PRUNE2: variants seen among roughly 807,000 people sequenced by gnomAD.
PRUNE2 encodes prune homolog 2 with BCH domain, also known as protein prune homolog 2.
A neutral mutation model predicts 252.0 loss-of-function variants in PRUNE2; 164 were observed. The observed-to-expected ratio is 0.65, with a 90% CI of 0.57 to 0.74. The LOEUF is 0.74. PRUNE2 is among the 30% of genes least tolerant of loss of function. The pLI, the probability that PRUNE2 is intolerant of heterozygous loss-of-function variation, is 0.00. For missense variants in PRUNE2, 3,495 were observed against 3,711.0 expected, an observed-to-expected ratio of 0.94 and a Z score of 1.51; for synonymous variants, 1,292 against 1,350.2, an observed-to-expected ratio of 0.96 and a Z score of 0.94.
intron 9 of PRUNE2, among the ~76,000 whole-genome samples, chr9:76,660,713 C>T (rs553848155): frequency 3.5e-5 from 5 of 142,424 alleles, no homozygotes; most frequent in South Asian, 2.2e-4. Context: ...ACCCGGGAGG[C>T]GGAAGTTGCA....
At chr9:76,652,973 G>A (rs533308775) in intron 10 of PRUNE2, among the ~76,000 whole-genome samples, 45 of 152,190 alleles carry the variant, frequency 3.0e-4, no homozygotes, top group Admixed American at 7.2e-4. Flanking sequence ...GCCAAGAGTG[G>A]GTTTGGGCCC....
At chr9:76,854,443 A>G (rs1006789527) in intron 1 of PRUNE2, among the ~76,000 whole-genome samples, 2 of 152,216 alleles carry the variant, frequency 1.3e-5, no homozygotes, top group East Asian at 1.9e-4. Context: ...GGTTTTATTA[A>G]GATTACACAT....
chr9:76,831,108 T>G (rs1368874668), intron 4 of PRUNE2, among the ~76,000 whole-genome samples: 3 of 151,940 alleles, frequency 2.0e-5, no homozygotes, highest in Non-Finnish European at 4.4e-5. Flanking sequence ...TTTTTGTATT[T>G]TTAGTAGAGA....
intron 1 of PRUNE2, among the ~76,000 whole-genome samples, chr9:76,856,045 A>C (rs1478359832): frequency 6.6e-6 from 1 of 152,218 alleles, no homozygotes; most frequent in Non-Finnish European, 1.5e-5. Context: ...ATTACTGCAG[A>C]ATGCTATTCT....
At position 76,820,622 on chromosome 9, in the gene PRUNE2, G is replaced by A. The variant is rs141702971; in HGVS notation, c.756+3010C>T. 4.3e-3 allele frequency among the ~76,000 whole-genome samples: 660 copies of A among 152,256 alleles called. 2 individuals are homozygous for A. Among genetic ancestry groups the A allele is most frequent in the Admixed American group, 0.015 (237 of 15,292 alleles). ...AAGGAATCTTCATTCCCATATCCCC[G>A]ACATGCTGCAGAACCTATAGTTGAT... On this transcript the variant is annotated intron_variant, in intron 6 of 18. Coordinates refer to ENST00000376718, the MANE Select transcript of PRUNE2 (RefSeq NM_015225.3).
intron 1 of PRUNE2, among the ~76,000 whole-genome samples, chr9:76,879,171 T>C (rs2061619255): frequency 6.6e-6 from 1 of 152,248 alleles, no homozygotes; most frequent in South Asian, 2.1e-4. Flanking sequence ...AGATGCTTCA[T>C]GTTAGTTCAC....
intron 12 of PRUNE2, chr9:76,642,001 T>TAAAAAAAAAAAAAAAAAAAAAAAAA: frequency 9.9e-7 from 1 of 1,010,458 alleles, no homozygotes; most frequent in East Asian, 2.8e-5. Flanking sequence ...ATAAGAGAAG[T>TAAAAAAAAAAAAAAAAAAAAAAAAA]AAAAAAAAAA....
rs1045162447 is a variant in PRUNE2 at position 76,624,499 on chromosome 9, G to A, written c.9150-9C>T. The A allele has an allele frequency of 7.1e-7, 1 of 1,415,284 alleles. No homozygotes were observed. Among genetic ancestry groups the A allele is most frequent in the African/African-American group, 1.5e-5 (1 of 68,554 alleles). 87.7% of individuals were successfully genotyped at this position (1,415,284 alleles called of 1,614,324 possible). On this transcript the variant is annotated splice_polypyrimidine_tract_variant and intron_variant, in intron 16 of 18. Transcript: ENST00000376718. ...TCAGTTCTTCATCCAGTCTGCAGGA[G>A]CAAAAATTATTGGTGTGGAAAAGAA...
intron 4 of PRUNE2, among the ~76,000 whole-genome samples, chr9:76,840,838 G>A (rs754532890): frequency 3.9e-5 from 6 of 152,024 alleles, no homozygotes; most frequent in Non-Finnish European, 5.9e-5. Context: ...AAAATTAGCC[G>A]GGCTTTGTGG....
chr9:76,873,021 T>A (rs1189789136), intron 1 of PRUNE2, among the ~76,000 whole-genome samples: 1 of 151,812 alleles, frequency 6.6e-6, no homozygotes, highest in African/African-American at 2.4e-5. Context: ...AGAGGGAAGG[T>A]GATGTGAAGA....
At chr9:76,778,897 C>T (rs898775839) in intron 6 of PRUNE2, 3 of 152,220 alleles carry the variant, frequency 2.0e-5, no homozygotes, top group Non-Finnish European at 2.9e-5. Context: ...TGTGCCTCAA[C>T]AAATTGAACT....
intron 15 of PRUNE2, among the ~76,000 whole-genome samples, chr9:76,629,663 G>T (rs541568567): frequency 6.7e-6 from 1 of 150,012 alleles, no homozygotes; most frequent in African/African-American, 2.5e-5. Flanking sequence ...GCAATACATT[G>T]TTATTAGCTC....
chr9:76,822,816 G>GA (rs60999078), intron 6 of PRUNE2, among the ~76,000 whole-genome samples: 36 of 146,692 alleles, frequency 2.5e-4, no homozygotes, highest in African/African-American at 4.2e-4. Context: ...CAAAGAAAAA[G>GA]AAAAAAAAAA....
At position 76,807,390 on chromosome 9, in the gene PRUNE2, T is replaced by C. The variant is rs1465208436; in HGVS notation, c.756+16242A>G. On this transcript the variant is annotated intron_variant, in intron 6 of 18. Transcript: ENST00000376718. The stretch of plus-strand genomic sequence containing the variant: ...GCCTGGCCTCGACCTCCCTGTACTA[T>C]GATCTTTGCTTTCTGTCAAGGAAGG... Among the ~76,000 whole-genome samples, 5 of 152,264 alleles carry C rather than the reference T, an allele frequency of 3.3e-5. No homozygotes were observed. In the East Asian group the frequency reaches 7.7e-4, roughly 24 times the overall value.
In PRUNE2 at chr9:76,629,199, T is replaced by C; in HGVS notation, c.9142A>G (p.Ile3048Val). The change falls in exon 16 of 19, where the codon ATC (isoleucine) becomes GTC (valine). Residue 3048 changes from isoleucine to valine, a missense_variant. Coordinates refer to ENST00000376718, the MANE Select transcript of PRUNE2 (RefSeq NM_015225.3). Reference sequence around the variant, plus strand: ...GAAACTGTCAGGACTTACTTGATGATGCTCTCTGGAATGTGGATGCAATCC... The same window carrying C: ...GAAACTGTCAGGACTTACTTGATGACGCTCTCTGGAATGTGGATGCAATCC... ...PMDCIHIPES[I>V]IKLDEELREA... 1 of 1,591,832 alleles carries C rather than the reference T, an allele frequency of 6.3e-7. No individual in the cohort carries two copies. Among genetic ancestry groups the C allele is most frequent in the East Asian group, 2.2e-5 (1 of 44,668 alleles).
chr9:76,629,581 C>T (rs146903629), intron 15 of PRUNE2, among the ~76,000 whole-genome samples: 7 of 148,876 alleles, frequency 4.7e-5, no homozygotes, highest in African/African-American at 1.7e-4. Flanking sequence ...AGCTAATTTA[C>T]GTATGTATTA....
chr9:76,663,463 G>A (rs1428957152), intron 9 of PRUNE2, among the ~76,000 whole-genome samples: 1 of 152,018 alleles, frequency 6.6e-6, no homozygotes, highest in African/African-American at 2.4e-5. Context: ...ACATTCTCAG[G>A]TTCTCAGAGG....
At chr9:76,704,137 G>T in intron 8 of PRUNE2, 38 bp from the exon 9 acceptor site, 3 of 1,424,842 alleles carry the variant, frequency 2.1e-6, no homozygotes, top group South Asian at 1.4e-5. Flanking sequence ...AGGAGAAAAA[G>T]GTTTAATTAA....
At chr9:76,689,648 C>T (rs760940348) in intron 9 of PRUNE2, among the ~76,000 whole-genome samples, 8 of 151,996 alleles carry the variant, frequency 5.3e-5, no homozygotes, top group Non-Finnish European at 4.4e-5. Flanking sequence ...CATGAGATAC[C>T]GCACCAAGAT....
Sources: gnomAD v4.1 joint callset for allele counts (sites outside exome capture counted in the v4.1 genomes callset) on GRCh38, gnomAD v4.1.1 for gene constraint, MANE v1.5 for transcripts, NCBI Gene and HGNC (gene_info 2026-07-23, HGNC 2026-07-21) for gene names.